Variants in SMC5 observed in about 807,000 individuals in gnomAD.
The protein encoded by SMC5 is structural maintenance of chromosomes protein 5.
A neutral mutation model predicts 148.3 loss-of-function variants in SMC5; 88 were observed. The observed-to-expected ratio is 0.59, with a 90% confidence interval of 0.50 to 0.71. The LOEUF (loss-of-function observed/expected upper bound fraction) is 0.71, where lower values mean the gene tolerates loss of function less well. Among genes scored for constraint, SMC5 ranks in the 30% least tolerant of loss-of-function variants. SMC5 has a pLI of 0.00. For synonymous variants in SMC5, 421 were observed against 432.8 expected, an observed-to-expected ratio of 0.97 and a Z score of 0.34; for missense variants, 1,142 against 1,298.9, an observed-to-expected ratio of 0.88 and a Z score of 1.86.
In SMC5 at chr9:70,354,761, C is replaced by G. The variant is rs144985988; in HGVS notation, c.*2430C>G. The G allele has an allele frequency of 3.9e-5, 6 of 152,132 alleles. No homozygotes were observed. The East Asian group carries it at 1.2e-3, about 29-fold the overall frequency. 9.4% of individuals were successfully genotyped at this position (152,132 alleles called of 1,614,324 possible). On this transcript the variant is annotated 3_prime_UTR_variant, in exon 25 of 25. Coordinates refer to ENST00000361138, the MANE Select transcript of SMC5 (RefSeq NM_015110.4). ...TGCCTATTTTCTTTGAGGTATAAAC[C>G]TTTAGATGTGAAAAATGTAATTTCA... is the stretch of plus-strand genomic sequence containing the variant.
chr9:70,339,927 T>A (rs1395215046), intron 17 of SMC5, among the ~76,000 whole-genome samples: 1 of 152,188 alleles, frequency 6.6e-6, no homozygotes, highest in Non-Finnish European at 1.5e-5. Context: ...TGAATCCAAA[T>A]ACAGAGGTCG....
Position 70,278,402 on chromosome 9 carries a change from C to A in SMC5, c.544-89C>A. On this transcript the variant is annotated intron_variant, in intron 4 of 24. Coordinates refer to ENST00000361138, the MANE Select transcript of SMC5 (RefSeq NM_015110.4). ...CAAATGTTTTTTTTAATGAGTTTCA[C>A]CTTGACAAGTGTAAGCATTGAGTGA... is the stretch of plus-strand genomic sequence containing the variant. 4 of 1,297,788 alleles carry A rather than the reference C, an allele frequency of 3.1e-6. No homozygotes were observed. The South Asian group carries it at 5.6e-5, about 18-fold the overall frequency. The allele number at this position is 1,297,788 out of a possible 1,614,324, so 80.4% of individuals were successfully genotyped here.
intron 2 of SMC5, among the ~76,000 whole-genome samples, chr9:70,265,273 A>G (rs1237074542): frequency 6.6e-6 from 1 of 152,154 alleles, no homozygotes; most frequent in Non-Finnish European, 1.5e-5. Context: ...AGCCTGGTCA[A>G]CATGGTGAAA....
At chr9:70,348,848 A>T (rs1475742313) in intron 22 of SMC5, among the ~76,000 whole-genome samples, 2 of 152,040 alleles carry the variant, frequency 1.3e-5, no homozygotes, top group East Asian at 3.9e-4. Context: ...GCCTAATCCC[A>T]CTTTGGGAGG....
At chr9:70,294,722 A>G (rs1029345848) in intron 8 of SMC5, among the ~76,000 whole-genome samples, 7 of 152,166 alleles carry the variant, frequency 4.6e-5, no homozygotes, top group African/African-American at 1.7e-4. Flanking sequence ...CTCCTCAGCT[A>G]CCTTCCTCTG....
At chr9:70,295,417 G>A (rs528745371) in intron 8 of SMC5, among the ~76,000 whole-genome samples, 107 of 149,450 alleles carry the variant, frequency 7.2e-4, no homozygotes, top group African/African-American at 2.5e-3. Context: ...CTTGCAGTGA[G>A]CTGAGATTGC....
chr9:70,318,736 T>A lies in SMC5; in HGVS notation c.1980+49T>A, dbSNP rs373022875. On this transcript the variant is annotated intron_variant, in intron 14 of 24. Transcript: ENST00000361138. ...TAGAAAAGAATATTAACTGGATTTCTAATAGTTTCACTGGAACAGTTTTTT... is the reference window on the plus strand; with the variant it reads ...TAGAAAAGAATATTAACTGGATTTCAAATAGTTTCACTGGAACAGTTTTTT... 2.6e-6 allele frequency: 4 copies of A among 1,558,558 alleles called. No homozygotes were observed. The East Asian group carries it at 9.0e-5, about 35-fold the overall frequency.
chr9:70,268,534 A>G (rs2034355674), intron 3 of SMC5, among the ~76,000 whole-genome samples: 1 of 152,094 alleles, frequency 6.6e-6, no homozygotes, highest in African/African-American at 2.4e-5. Flanking sequence ...CAGGTAATGA[A>G]ATAGAACTAT....
chr9:70,263,431 G>GA (rs76614125), intron 1 of SMC5, among the ~76,000 whole-genome samples: 15,155 of 152,202 alleles, frequency 0.1, 839 homozygotes, highest in African/African-American at 0.12. Context: ...CTTAGCAGAT[G>GA]AATAGCAGGC....
intron 10 of SMC5, among the ~76,000 whole-genome samples, chr9:70,301,745 T>C (rs1000714769): frequency 7.2e-5 from 11 of 152,322 alleles, no homozygotes; most frequent in African/African-American, 2.4e-4. Context: ...TATAATGGAA[T>C]ATTATGCAGC....
At chr9:70,318,245 A>T (rs2035857728) in intron 13 of SMC5, among the ~76,000 whole-genome samples, 1 of 152,068 alleles carries the variant, frequency 6.6e-6, no homozygotes, top group Non-Finnish European at 1.5e-5. Context: ...TTAATTAACC[A>T]GGCGTGGTGG....
rs765334362 is a variant in SMC5, at chr9:70,259,192, G to T, written c.114G>T (p.Gln38His). 1.2e-6 allele frequency: 2 copies of T among 1,608,810 alleles called. No homozygotes were observed. Among genetic ancestry groups the T allele is most frequent in the South Asian group, 2.2e-5 (2 of 90,146 alleles). Residue 38 changes from glutamine to histidine, a missense_variant, in exon 1 of 25, where the codon CAG (glutamine) becomes CAT (histidine). Gln to His is a conservative substitution (Grantham distance 24). Around this residue, in one of 5 missense-constraint regions of SMC5, gnomAD observed 297 missense variants for 302.6 expected, o/e 0.98. Coordinates refer to ENST00000361138, the MANE Select transcript of SMC5 (RefSeq NM_015110.4). The stretch of plus-strand genomic sequence containing the variant: ...GCAAGAGGAAGAATTCGGCCCCGCA[G>T]CTGCCGCTGTTGCAGTCGTCCGGGC... Reference protein sequence around the residue: ...VPSKRKNSAPQLPLLQSSGPF... With the variant: ...VPSKRKNSAPHLPLLQSSGPF...
chr9:70,287,663 C>G (rs562610510), intron 8 of SMC5, among the ~76,000 whole-genome samples: 111 of 152,212 alleles, frequency 7.3e-4, no homozygotes, highest in African/African-American at 2.3e-3. Context: ...TTTAATTTCT[C>G]CAAAGAATTA....
At chr9:70,287,727 G>C (rs1461010176) in intron 8 of SMC5, among the ~76,000 whole-genome samples, 1 of 152,196 alleles carries the variant, frequency 6.6e-6, no homozygotes, top group East Asian at 1.9e-4. Context: ...GCTTAGGGTT[G>C]TGTATGTTGG....
intron 11 of SMC5, among the ~76,000 whole-genome samples, chr9:70,309,950 A>G (rs1326449439): frequency 6.6e-6 from 1 of 152,124 alleles, no homozygotes; most frequent in African/African-American, 2.4e-5. Context: ...CCTGGGTATA[A>G]GCAATTCTGC....
chr9:70,319,381 T>C (rs2035891712), intron 15 of SMC5, among the ~76,000 whole-genome samples: 1 of 152,172 alleles, frequency 6.6e-6, no homozygotes, highest in Non-Finnish European at 1.5e-5. Context: ...GTATTAAAAA[T>C]AGCTGTTTTC....
At chr9:70,269,977 A>G (rs2034398692) in intron 3 of SMC5, among the ~76,000 whole-genome samples, 1 of 152,194 alleles carries the variant, frequency 6.6e-6, no homozygotes, top group Non-Finnish European at 1.5e-5. Context: ...AACACAGCAC[A>G]GAACACTTCT....
rs140332436 is a variant in SMC5 at position 70,342,884 on chromosome 9, T to A, written c.2398-1260T>A. Among the ~76,000 whole-genome samples, 598 of 152,308 alleles carry A rather than the reference T, an allele frequency of 3.9e-3. 3 individuals are homozygous for A. The highest frequency in any genetic ancestry group is 0.013 in the African/African-American group (553 of 41,572). On this transcript the variant is annotated intron_variant, in intron 17 of 24. Transcript: ENST00000361138. ...GCAGGTCTTTGAGGCTCATATGCCT[T>A]AAAATTCATAATCACCTGTCCTTGG...
At chr9:70,328,649 C>T (rs1423077944) in intron 17 of SMC5, among the ~76,000 whole-genome samples, 1 of 152,186 alleles carries the variant, frequency 6.6e-6, no homozygotes, top group African/African-American at 2.4e-5. Flanking sequence ...TTTCTTGGCA[C>T]ACGGTGCAAG....
Sources: gnomAD v4.1 joint callset for allele counts (sites outside exome capture counted in the v4.1 genomes callset) on GRCh38, gnomAD v4.1.1 for gene constraint, gnomAD v4.1.1 regional missense constraint, MANE v1.5 for transcripts, NCBI Gene and HGNC (gene_info 2026-07-23, HGNC 2026-07-21) for gene names.